The following SMARCA2 variants were observed in gnomAD, a reference collection of about 807,000 sequenced individuals.
SMARCA2 encodes SWI/SNF-related matrix-associated actin-dependent regulator of chromatin subfamily A member 2.
A neutral mutation model predicts 199.8 loss-of-function variants in SMARCA2; 61 were observed. The ratio of observed to expected loss-of-function variants is 0.31; its 90% CI spans 0.25 to 0.38. The LOEUF is 0.38. SMARCA2 is among the 10% of genes least tolerant of loss of function. The pLI is 1.00. For missense variants in SMARCA2, 1,344 were observed against 2,012.2 expected (o/e 0.67, Z 6.35); for synonymous variants, 935 against 732.0 (o/e 1.28, Z -4.48).
chr9:2,139,312 G>T (rs1448039854), intron 27 of SMARCA2, among the ~76,000 whole-genome samples: 1 of 152,176 alleles, frequency 6.6e-6, no homozygotes, highest in African/African-American at 2.4e-5. Context: ...GTTTTTCAAG[G>T]ATTGTCTGGT....
At position 2,084,118 on chromosome 9, in the gene SMARCA2, C is replaced by T. The variant is rs1315886108; in HGVS notation, c.2448C>T (p.Pro816=). Residue 816 remains proline, a synonymous_variant, in exon 17 of 34, where the codon CCC becomes CCT. Coordinates refer to ENST00000349721, the MANE Select transcript of SMARCA2 (RefSeq NM_003070.5). ...CTGCCATGCGTCGCTCCCTTGTCCC[C>T]CAGCTACGGAGTGGCAAATTCAATG... ...GTPAMRRSLV[P]QLRSGKFNVL... The T allele has an allele frequency of 6.2e-7, 1 of 1,612,570 alleles. No individual in the cohort carries two copies. Among genetic ancestry groups the T allele is most frequent in the Non-Finnish European group, 8.5e-7 (1 of 1,178,678 alleles).
intron 27 of SMARCA2, chr9:2,158,030 A>T (rs1005717141): frequency 6.6e-5 from 26 of 393,640 alleles, no homozygotes; most frequent in African/African-American, 5.0e-4. Context: ...TGCTGTCAGA[A>T]CGTGCACGCC....
At chr9:2,135,288 G>T (rs1467669385) in intron 27 of SMARCA2, among the ~76,000 whole-genome samples, 1 of 152,158 alleles carries the variant, frequency 6.6e-6, no homozygotes, top group East Asian at 1.9e-4. Flanking sequence ...TGGATTGGAT[G>T]ATTCCTACCT....
chr9:2,082,533 C>T lies in SMARCA2; in HGVS notation c.2348+538C>T, dbSNP rs545032178. Among the ~76,000 whole-genome samples the T allele has an allele frequency of 6.6e-5, 10 of 152,200 alleles. No homozygotes were observed. The South Asian group carries it at 8.3e-4, about 13-fold the overall frequency. On this transcript the variant is annotated intron_variant, in intron 15 of 33. Transcript: ENST00000349721. ...TTAGTAAGGACAGGAGTTTGCTGTT[C>T]GCCATTACGTTCCCAGTGCCTCACC...
chr9:2,091,931 T>G (rs1457511356), intron 19 of SMARCA2, among the ~76,000 whole-genome samples: 1 of 152,166 alleles, frequency 6.6e-6, no homozygotes, highest in Non-Finnish European at 1.5e-5. Context: ...TAAATGCAGG[T>G]CAACCGCATA....
chr9:2,185,365 A>C (rs574402281), intron 31 of SMARCA2, among the ~76,000 whole-genome samples: 5 of 152,336 alleles, frequency 3.3e-5, no homozygotes, highest in East Asian at 1.9e-4. Flanking sequence ...TTAAGACTGA[A>C]TAATATTCCA....
chr9:2,072,871 C>T (rs1016567858), intron 10 of SMARCA2, among the ~76,000 whole-genome samples: 1 of 152,180 alleles, frequency 6.6e-6, no homozygotes, highest in African/African-American at 2.4e-5. Flanking sequence ...GCCATTACCG[C>T]TTTCCTGGCA....
chr9:2,180,836 C>G (rs1256390130), intron 29 of SMARCA2, among the ~76,000 whole-genome samples: 1 of 152,152 alleles, frequency 6.6e-6, no homozygotes, highest in Non-Finnish European at 1.5e-5. Flanking sequence ...AATAAACTTA[C>G]CATGAATTTG....
chr9:2,142,988 T>G (rs915742086), intron 27 of SMARCA2, among the ~76,000 whole-genome samples: 1 of 152,180 alleles, frequency 6.6e-6, no homozygotes, highest in Non-Finnish European at 1.5e-5. Context: ...TTTTAAGTTC[T>G]TAAACAGATT....
At chr9:2,160,355 C>G (rs1256903865) in intron 27 of SMARCA2, 1 of 501,250 alleles carries the variant, frequency 2.0e-6, no homozygotes, top group Non-Finnish European at 3.5e-6. Flanking sequence ...CCTTAGGAAT[C>G]TGTCTGTGTG....
At chr9:2,174,903 G>A (rs1826457341) in intron 29 of SMARCA2, among the ~76,000 whole-genome samples, 4 of 128,200 alleles carry the variant, frequency 3.1e-5, no homozygotes, top group South Asian at 5.0e-4. Flanking sequence ...CCAGCCTGGG[G>A]GACAGAGTGA....
At chr9:2,079,635 C>G (rs1821480085) in intron 14 of SMARCA2, among the ~76,000 whole-genome samples, 2 of 152,222 alleles carry the variant, frequency 1.3e-5, no homozygotes, top group Non-Finnish European at 2.9e-5. Context: ...ACCCCTGGAA[C>G]ACATTCTGAG....
At position 2,159,768 on chromosome 9, in the gene SMARCA2, T is replaced by C; in HGVS notation, c.3982-1918T>C. On this transcript the variant is annotated intron_variant, in intron 27 of 33. Transcript: ENST00000349721. ...TTTCAGTAAAATAAAATTACTTGTA[T>C]ATGAAAACACAGCCTTTCCCCAGCT... is the stretch of plus-strand genomic sequence containing the variant. The C allele has an allele frequency of 2.6e-6, 4 of 1,567,624 alleles. No homozygotes were observed. The Admixed American group carries it at 5.7e-5, about 22-fold the overall frequency.
chr9:2,119,713 C>T lies in SMARCA2; in HGVS notation c.3762+178C>T, dbSNP rs922358518. On this transcript the variant is annotated intron_variant, in intron 26 of 33. Transcript: ENST00000349721. The surrounding 1 kb of genome is among the most constrained non-coding windows in gnomAD (Gnocchi z 4.6). The stretch of plus-strand genomic sequence containing the variant: ...AGCCTGCAGACATATTTTGTTTGGC[C>T]CACGCAGCGTTTTTTAAAATTTCCC... Among the ~76,000 whole-genome samples, 4 of 152,196 alleles carry T rather than the reference C, an allele frequency of 2.6e-5. No homozygotes were observed. The highest frequency in any genetic ancestry group is 9.6e-5 in the African/African-American group (4 of 41,510).
chr9:2,152,899 G>C (rs2130724955), intron 27 of SMARCA2, among the ~76,000 whole-genome samples: 2 of 152,124 alleles, frequency 1.3e-5, no homozygotes, highest in South Asian at 4.2e-4. Flanking sequence ...AATAATTTAT[G>C]TGAAGAAAGA....
At chr9:2,097,936 A>G (rs1822342003) in intron 21 of SMARCA2, among the ~76,000 whole-genome samples, 1 of 152,218 alleles carries the variant, frequency 6.6e-6, no homozygotes, top group Non-Finnish European at 1.5e-5. Flanking sequence ...TTAGTCTGTT[A>G]CTTTGATTTA....
chr9:2,161,656 G>C lies in SMARCA2; in HGVS notation c.3982-30G>C, dbSNP rs371549008. ...TTTGTCTTGGTTATTCTCTTGTCTT[G>C]AATTTGTCTCCTTTGTTTCCAACGA... On this transcript the variant is annotated intron_variant, in intron 27 of 33. Transcript: ENST00000349721. The surrounding 1 kb of genome is among the most constrained non-coding windows in gnomAD (Gnocchi z 4.7). 4 of 1,501,280 alleles carry C rather than the reference G, an allele frequency of 2.7e-6. No individual in the cohort carries two copies. The highest frequency in any genetic ancestry group is 3.7e-6 in the Non-Finnish European group (4 of 1,082,608). The allele number at this position is 1,501,280 out of a possible 1,614,324, so 93.0% of individuals were successfully genotyped here.
chr9:2,178,230 G>A (rs76919386), intron 29 of SMARCA2, among the ~76,000 whole-genome samples: 4,038 of 152,150 alleles, frequency 0.027, 197 homozygotes, highest in African/African-American at 0.092. Flanking sequence ...CCTGTGAACC[G>A]TAAGACCAGT....
At chr9:2,027,334 T>A (rs1275264225) in intron 1 of SMARCA2, among the ~76,000 whole-genome samples, 1 of 151,952 alleles carries the variant, frequency 6.6e-6, no homozygotes, top group Non-Finnish European at 1.5e-5. Context: ...CCTAGCTACT[T>A]GGGAGGCTGG....
Sources: allele counts gnomAD v4.1 joint callset (sites outside exome capture counted in the v4.1 genomes callset), GRCh38; gene constraint gnomAD v4.1.1; non-coding constraint Gnocchi (gnomAD v3.1); transcripts MANE v1.5; gene names NCBI Gene and HGNC (gene_info 2026-07-23, HGNC 2026-07-21).